Variants in PBRM1 observed in about 807,000 individuals in gnomAD.
PBRM1 encodes the protein polybromo 1.
A neutral mutation model predicts 194.5 loss-of-function variants in PBRM1; 27 were observed. The observed-to-expected ratio is 0.14, with a 90% CI of 0.10 to 0.19. PBRM1 has a LOEUF of 0.19. Among genes scored for constraint, PBRM1 ranks in the 10% least tolerant of loss-of-function variants. The pLI, the probability that PBRM1 is intolerant of heterozygous loss-of-function variation, is 1.00. For synonymous variants in PBRM1, 655 were observed against 693.2 expected, an observed-to-expected ratio of 0.94 and a Z score of 0.87; for missense variants, 1,466 against 2,077.2, an observed-to-expected ratio of 0.71 and a Z score of 5.72.
chr3:52,678,143 G>A (rs2097144510), intron 2 of PBRM1, among the ~76,000 whole-genome samples: 5 of 151,288 alleles, frequency 3.3e-5, no homozygotes, highest in African/African-American at 9.7e-5. Context: ...TTTTGTTTTT[G>A]TTTTTAAGAG....
intron 6 of PBRM1, among the ~76,000 whole-genome samples, chr3:52,651,251 A>G (rs148408491): frequency 6.6e-6 from 1 of 152,154 alleles, no homozygotes; most frequent in Non-Finnish European, 1.5e-5. Context: ...TAGGGTAGAG[A>G]GGGCCAAAGA....
intron 17 of PBRM1, 73 bp downstream of exon 19, chr3:52,603,448 T>C (rs1313413900): frequency 6.7e-6 from 10 of 1,488,630 alleles, no homozygotes; most frequent in African/African-American, 1.4e-5. Flanking sequence ...AGGACTCTTT[T>C]CCACAGCTAA....
chr3:52,554,754 C>T lies in PBRM1; in HGVS notation c.4579G>A (p.Val1527Met), dbSNP rs143564112. ...GGTGGGATGCCCGGGAGGCCAGGCA[C>T]ACCTGGCGGAAGATGGTGGGGTGGA... is the stretch of plus-strand genomic sequence containing the variant. The change falls in exon 27 of 30, where the codon GTG (valine) becomes ATG (methionine). Residue 1527 changes from valine to methionine, a missense_variant. Physicochemically the swap from Val to Met is conservative, Grantham distance 21. Around this residue, in one of 5 missense-constraint regions of PBRM1, gnomAD observed 244 missense variants for 324.6 expected, o/e 0.75. Coordinates refer to ENST00000296302, the Ensembl canonical transcript of PBRM1. 148 of 1,569,684 alleles carry T rather than the reference C, an allele frequency of 9.4e-5. 1 individual carries two copies. In the African/African-American group the frequency reaches 1.6e-3, roughly 17 times the overall value.
intron 10 of PBRM1, among the ~76,000 whole-genome samples, chr3:52,636,474 T>C (rs987655903): frequency 6.6e-6 from 1 of 151,752 alleles, no homozygotes; most frequent in South Asian, 2.1e-4. Context: ...ATTAAGAATT[T>C]AGGCTGGGCA....
chr3:52,649,634 TAGTC>T lies in PBRM1; in HGVS notation c.715-1196_715-1193del, dbSNP rs1191917027. On this transcript the variant is annotated intron_variant, in intron 6 of 29. Coordinates refer to ENST00000296302, the Ensembl canonical transcript of PBRM1. ...TCAAAAATTCCTTTTCCACTTAAAT[TAGTC>T]AGAGTTGGTTTTATTCAACTGGTAC... Among the ~76,000 whole-genome samples the T allele has an allele frequency of 3.9e-5, 6 of 152,288 alleles. No homozygotes were observed. The South Asian group carries it at 1.2e-3, about 32-fold the overall frequency.
chr3:52,629,469 TAGTTCATAAGGGTTA>T (rs2095548233), intron 11 of PBRM1, among the ~76,000 whole-genome samples: 1 of 152,226 alleles, frequency 6.6e-6, no homozygotes, highest in African/African-American at 2.4e-5. Context: ...AAGGCCATTC[TAGTTCATAAGGGTTA>T]AAGAGACAGT....
intron 3 of PBRM1, 115 bp from the exon 5 acceptor site, chr3:52,662,391 C>A (rs2096742131): frequency 1.3e-6 from 1 of 798,004 alleles, no homozygotes; most frequent in Non-Finnish European, 2.0e-6. Flanking sequence ...ATTTTAACAT[C>A]CTCATGATTA....
In PBRM1 at chr3:52,609,272, T is replaced by C. The variant is rs755101589; in HGVS notation, c.2567+41A>G. On this transcript the variant is annotated intron_variant, in intron 16 of 29. Coordinates refer to ENST00000296302, the Ensembl canonical transcript of PBRM1. This position sits in a 1 kb window ranked among gnomAD's most constrained non-coding sequence, Gnocchi z 4.1. ...ATTCTTTCATCTGTTTTGTATTAAA[T>C]AGCACATATCCTCAAAATAAAAATG... 4 of 1,475,434 alleles carry C rather than the reference T, an allele frequency of 2.7e-6. No homozygotes were observed. The Admixed American group carries it at 5.4e-5, about 20-fold the overall frequency. 91.4% of individuals were successfully genotyped at this position (1,475,434 alleles called of 1,614,324 possible).
chr3:52,567,059 C>T (rs2085457583), intron 22 of PBRM1, among the ~76,000 whole-genome samples: 2 of 141,032 alleles, frequency 1.4e-5, no homozygotes, highest in Admixed American at 7.4e-5. Flanking sequence ...CAGAGAAAGA[C>T]TCCATCTCAA....
intron 20 of PBRM1, among the ~76,000 whole-genome samples, chr3:52,583,010 TG>T (rs1308172522): frequency 7.0e-6 from 1 of 142,482 alleles, no homozygotes; most frequent in African/African-American, 2.7e-5. Context: ...GGCAGGAGAA[TG>T]GTGTGAACCC....
At position 52,604,958 on chromosome 3, in the gene PBRM1, A is replaced by AAAATAAAT. The variant is rs144080973; in HGVS notation, c.2568-1234_2568-1227dup. Reference sequence around the variant, plus strand: ...AACAGAGTGAGTGAGACTCTGTCCCAAAATAAATAAATAAATAAATAAATA... The same window carrying AAAATAAAT: ...AACAGAGTGAGTGAGACTCTGTCCCAAAATAAATAAATAAATAAATAAATAAATAAATA... On this transcript the variant is annotated intron_variant, in intron 16 of 29. Coordinates refer to ENST00000296302, the Ensembl canonical transcript of PBRM1. Among the ~76,000 whole-genome samples, 917 of 145,768 alleles carry AAAATAAAT rather than the reference A, an allele frequency of 6.3e-3. 9 individuals carry two copies. The highest frequency in any genetic ancestry group is 0.018 in the African/African-American group (710 of 40,032).
In PBRM1 at chr3:52,550,218, AAAAAC is replaced by A. The variant is rs144534586; in HGVS notation, c.4897+198_4897+202del. On this transcript the variant is annotated intron_variant, in intron 29 of 29. Transcript: ENST00000296302. ...AGGCAACAGAGTGAGACCCTGTCTC[AAAAAC>A]AAAACAAAACAAAACAAACCATTTT... Among the ~76,000 whole-genome samples the A allele has an allele frequency of 0.12, 17,735 of 152,056 alleles. 2,577 individuals carry two copies. Among genetic ancestry groups the A allele is most frequent in the African/African-American group, 0.35 (14,302 of 41,306 alleles).
At chr3:52,631,832 G>GA (rs932091165) in intron 11 of PBRM1, among the ~76,000 whole-genome samples, 3 of 152,094 alleles carry the variant, frequency 2.0e-5, no homozygotes, top group Non-Finnish European at 4.4e-5. Flanking sequence ...AAATATCTTT[G>GA]AAAATTTGTA....
rs1371522217 is a variant in PBRM1 at position 52,668,655 on chromosome 3, T to G, written c.237-10A>C. On this transcript the variant is annotated splice_polypyrimidine_tract_variant and intron_variant, in intron 2 of 29. Coordinates refer to ENST00000296302, the Ensembl canonical transcript of PBRM1. ...ATAGTCTGGTTGATTTCTGTTATAATTTAAATTTTTTTAAAGGAGATTAAT... is the reference window on the plus strand; with the variant it reads ...ATAGTCTGGTTGATTTCTGTTATAAGTTAAATTTTTTTAAAGGAGATTAAT... 6.7e-7 allele frequency: 1 copy of G among 1,494,088 alleles called. No homozygotes were observed. Among genetic ancestry groups the G allele is most frequent in the Non-Finnish European group, 9.0e-7 (1 of 1,110,716 alleles). The allele number at this position is 1,494,088 out of a possible 1,614,324, so 92.6% of individuals were successfully genotyped here.
intron 13 of PBRM1, among the ~76,000 whole-genome samples, chr3:52,622,345 TA>T (rs1325121655): frequency 2.3e-5 from 3 of 128,768 alleles, no homozygotes; most frequent in Admixed American, 8.7e-5. Flanking sequence ...CTCAAAAAAA[TA>T]AAAAAAAAGA....
chr3:52,625,711 A>C (rs1010739371), intron 13 of PBRM1, among the ~76,000 whole-genome samples: 2 of 151,836 alleles, frequency 1.3e-5, no homozygotes, highest in Non-Finnish European at 2.9e-5. Flanking sequence ...AGTAGCTGGG[A>C]TTACAGGTGC....
At chr3:52,680,906 G>A (rs868471345), upstream of PBRM1, among the ~76,000 whole-genome samples, 9 of 151,486 alleles carry the variant, frequency 5.9e-5, no homozygotes, top group East Asian at 2.0e-4. Context: ...TGATCCGCCC[G>A]TCAAAGGCCT....
chr3:52,589,000 C>A, intron 18 of PBRM1, 70 bp downstream of exon 20: 1 of 1,123,038 alleles, frequency 8.9e-7, no homozygotes, highest in South Asian at 1.3e-5. Flanking sequence ...AAATTTTCTT[C>A]CCTGAGGAGC....
intron 25 of PBRM1, among the ~76,000 whole-genome samples, chr3:52,560,349 T>C (rs2083221076): frequency 6.6e-6 from 1 of 151,652 alleles, no homozygotes; most frequent in Admixed American, 6.6e-5. Context: ...AGTGGTGTAG[T>C]AGGTCTTAAC....
Sources: gnomAD v4.1 joint callset for allele counts (sites outside exome capture counted in the v4.1 genomes callset) on GRCh38, gnomAD v4.1.1 for gene constraint, gnomAD v4.1.1 regional missense constraint, Gnocchi (gnomAD v3.1) non-coding constraint, MANE v1.5 for transcripts, NCBI Gene and HGNC (gene_info 2026-07-23, HGNC 2026-07-21) for gene names.